Variants in CLOCK observed in about 807,000 individuals in gnomAD.
The protein encoded by CLOCK is circadian locomoter output cycles protein kaput.
CLOCK carries 43 observed loss-of-function variants against 118.4 expected under a neutral mutation model. The ratio of observed to expected loss-of-function variants is 0.36; its 90% CI spans 0.28 to 0.47. The LOEUF (loss-of-function observed/expected upper bound fraction) is 0.47. Among genes scored for constraint, CLOCK ranks in the 20% least tolerant of loss-of-function variants. The pLI is 1.00. For synonymous variants in CLOCK, 326 were observed against 339.2 expected (o/e 0.96, Z 0.43); for missense variants, 846 against 999.9 (o/e 0.85, Z 2.08).
chr4:55,459,340 A>G lies in CLOCK; in HGVS notation c.560-79T>C. On this transcript the variant is annotated intron_variant, in intron 9 of 22. Coordinates refer to ENST00000513440, the MANE Select transcript of CLOCK (RefSeq NM_004898.4). Reference sequence around the variant, plus strand: ...GATATACCACATAAAGTAAGATCATAAAAGTTGTGTAAGTTTACAACCATT... The same window carrying G: ...GATATACCACATAAAGTAAGATCATGAAAGTTGTGTAAGTTTACAACCATT... 3 of 880,708 alleles carry G rather than the reference A, an allele frequency of 3.4e-6. No individual in the cohort carries two copies. The South Asian group carries it at 4.2e-5, about 12-fold the overall frequency. 54.6% of individuals were successfully genotyped at this position (880,708 alleles called of 1,614,324 possible).
At chr4:55,460,257 C>T (rs946935822) in intron 9 of CLOCK, among the ~76,000 whole-genome samples, 5 of 152,174 alleles carry the variant, frequency 3.3e-5, no homozygotes, top group Non-Finnish European at 7.3e-5. Flanking sequence ...CCTATCTCTT[C>T]TGCTAATCCA....
intron 2 of CLOCK, among the ~76,000 whole-genome samples, chr4:55,490,064 A>G (rs895410339): frequency 1.3e-5 from 2 of 151,426 alleles, no homozygotes; most frequent in Non-Finnish European, 2.9e-5. Flanking sequence ...AAACTCCTCA[A>G]TCAAAATACA....
In CLOCK at chr4:55,442,616, T is replaced by G. The variant is rs1274041975; in HGVS notation, c.1921A>C (p.Ser641Arg). ...AGAGATGTTTGCTGACTGTGCCCAC[T>G]CAGTACATTTTGTTGACTCTGTTAA... ...TSTQSQQNVL[S>R]GHSQQTSLPS... Residue 641 changes from serine (S) to arginine (R), a missense_variant, in exon 21 of 23, where the codon AGT (serine) becomes CGT (arginine). Ser to Arg is a moderately radical substitution (Grantham distance 110). Transcript: ENST00000513440. The G allele has an allele frequency of 9.3e-6, 15 of 1,612,990 alleles. No homozygotes were observed. Among genetic ancestry groups the G allele is most frequent in the African/African-American group, 1.3e-5 (1 of 74,518 alleles).
chr4:55,466,223 T>C (rs1313595948), intron 8 of CLOCK, among the ~76,000 whole-genome samples: 1 of 152,078 alleles, frequency 6.6e-6, no homozygotes, highest in Non-Finnish European at 1.5e-5. Context: ...CAAGTTCTGA[T>C]GGTTTTGTAA....
chr4:55,490,722 T>C (rs1727616506), intron 2 of CLOCK, among the ~76,000 whole-genome samples: 1 of 152,306 alleles, frequency 6.6e-6, no homozygotes, highest in African/African-American at 2.4e-5. Flanking sequence ...ACTATATTGG[T>C]TTCTTAAATT....
chr4:55,515,019 G>A (rs1051891978), intron 1 of CLOCK, among the ~76,000 whole-genome samples: 1 of 152,142 alleles, frequency 6.6e-6, no homozygotes, highest in Non-Finnish European at 1.5e-5. Context: ...TGGACCTGGT[G>A]ATTTCTATCT....
At chr4:55,491,861 A>T (rs1412411347) in intron 2 of CLOCK, among the ~76,000 whole-genome samples, 1 of 152,228 alleles carries the variant, frequency 6.6e-6, no homozygotes, top group Non-Finnish European at 1.5e-5. Flanking sequence ...GATAAAATAA[A>T]AAAAGAAAAT....
At chr4:55,497,839 A>G (rs1374234596) in intron 2 of CLOCK, among the ~76,000 whole-genome samples, 1 of 152,188 alleles carries the variant, frequency 6.6e-6, no homozygotes, top group Non-Finnish European at 1.5e-5. Context: ...CCATAAACAC[A>G]TATGATGTAA....
At chr4:55,459,513 TC>T (rs1725172034) in intron 9 of CLOCK, among the ~76,000 whole-genome samples, 1 of 152,230 alleles carries the variant, frequency 6.6e-6, no homozygotes, top group Non-Finnish European at 1.5e-5. Context: ...CTCATCCTTT[TC>T]ATTCTTTACT....
chr4:55,526,719 TGGTCAGTTCACGA>T lies in CLOCK; in HGVS notation c.-289-16667_-289-16655del, dbSNP rs1194177989. 1.6e-4 allele frequency among the ~76,000 whole-genome samples: 24 copies of T among 151,478 alleles called. No homozygotes were observed. In the East Asian group the frequency reaches 4.7e-3, roughly 29 times the overall value. On this transcript the variant is annotated intron_variant, in intron 1 of 22. Transcript: ENST00000513440. ...ATCCCAGCACTTTGGGAGGTCGAGG[TGGTCAGTTCACGA>T]GGTCAGGAGATCCAGACCATCCTGG...
At chr4:55,450,320 C>G in intron 15 of CLOCK, 88 bp from the exon 16 acceptor site, 2 of 1,526,196 alleles carry the variant, frequency 1.3e-6, no homozygotes, top group Non-Finnish European at 1.8e-6. Context: ...ACAAAAAAAT[C>G]AGTTTTTGTC....
chr4:55,448,592 G>A (rs1051005396), intron 18 of CLOCK, among the ~76,000 whole-genome samples, 187 bp downstream of exon 18: 17 of 130,916 alleles, frequency 1.3e-4, no homozygotes, highest in Non-Finnish European at 2.5e-4. Flanking sequence ...GTGCGCGCGC[G>A]CACGCGCGCG....
At chr4:55,523,438 C>T (rs139334837) in intron 1 of CLOCK, among the ~76,000 whole-genome samples, 14 of 152,266 alleles carry the variant, frequency 9.2e-5, no homozygotes, top group Middle Eastern at 3.4e-3. Context: ...CCAATGGACC[C>T]TTTATATTTT....
At chr4:55,541,401 G>A (rs1731258523) in intron 1 of CLOCK, among the ~76,000 whole-genome samples, 1 of 152,016 alleles carries the variant, frequency 6.6e-6, no homozygotes, top group Non-Finnish European at 1.5e-5. Context: ...TGCCTACAAG[G>A]AACTTAAAAA....
intron 9 of CLOCK, among the ~76,000 whole-genome samples, chr4:55,463,343 T>C (rs566250824): frequency 6.6e-6 from 1 of 152,228 alleles, no homozygotes; most frequent in African/African-American, 2.4e-5. Flanking sequence ...AAAATTAGAA[T>C]GTTTAATTTT....
chr4:55,450,924 G>A (rs188857000), intron 15 of CLOCK, among the ~76,000 whole-genome samples: 1 of 152,162 alleles, frequency 6.6e-6, no homozygotes, highest in East Asian at 1.9e-4. Flanking sequence ...CTTAAGCCCA[G>A]GAGCTAGAGT....
intron 11 of CLOCK, 110 bp downstream of exon 11, chr4:55,458,782 T>C (rs907170232): frequency 1.4e-6 from 1 of 729,958 alleles, no homozygotes. Flanking sequence ...AATATTATCA[T>C]GCATATTTAA....
rs1025396254 is a variant in CLOCK at position 55,429,492 on chromosome 4, AGGACCAAGT to A, written c.*5914_*5922del. 4.6e-5 allele frequency: 7 copies of A among 152,192 alleles called. No homozygotes were observed. Among genetic ancestry groups the A allele is most frequent in the African/African-American group, 1.7e-4 (7 of 41,444 alleles). 9.4% of individuals were successfully genotyped at this position (152,192 alleles called of 1,614,324 possible). On this transcript the variant is annotated 3_prime_UTR_variant, in exon 23 of 23. Transcript: ENST00000513440. ...TATGGAAGTTTTGTTTTGTTTTCAA[AGGACCAAGT>A]AACTTGACACCATATTAAAGACAGC...
At chr4:55,451,545 G>A (rs534718845) in intron 15 of CLOCK, among the ~76,000 whole-genome samples, 11 of 152,130 alleles carry the variant, frequency 7.2e-5, no homozygotes, top group Non-Finnish European at 1.5e-4. Context: ...GAAGGACCTC[G>A]TCCCTAAACC....
Sources: gnomAD v4.1 joint callset for allele counts (sites outside exome capture counted in the v4.1 genomes callset) on GRCh38, gnomAD v4.1.1 for gene constraint, MANE v1.5 for transcripts, NCBI Gene and HGNC (gene_info 2026-07-23, HGNC 2026-07-21) for gene names.